SLC24A2: variants seen among roughly 807,000 people sequenced by gnomAD.
SLC24A2 encodes the protein solute carrier family 24 member 2, also known as sodium/potassium/calcium exchanger 2.
In SLC24A2, 36 loss-of-function variants were observed where a neutral mutation model predicts 62.0. The observed-to-expected ratio is 0.58, with a 90% CI of 0.44 to 0.77. The LOEUF (loss-of-function observed/expected upper bound fraction) is 0.77. Ranked by LOEUF, SLC24A2 falls within the 30% of genes least tolerant of loss-of-function variation. The probability of loss-of-function intolerance (pLI) is 0.00; values close to 1 mark genes in which losing one functional copy is unlikely to be tolerated. For synonymous variants in SLC24A2, 358 were observed against 294.0 expected, an observed-to-expected ratio of 1.22 and a Z score of -2.23; for missense variants, 846 against 817.9, an observed-to-expected ratio of 1.03 and a Z score of -0.42.
chr9:20,261,246 G>T, the SLC24A2 span, among the ~76,000 whole-genome samples: 1 of 151,994 alleles, frequency 6.6e-6, no homozygotes. Flanking sequence ...CCATTCCTGA[G>T]TTACTTCACC....
the SLC24A2 span, among the ~76,000 whole-genome samples, chr9:20,040,364 C>T: frequency 1.3e-5 from 2 of 152,202 alleles, no homozygotes; most frequent in Non-Finnish European, 2.9e-5. Context: ...CATGCTAATG[C>T]TAATATGGTT....
At chr9:20,089,376 T>A in the SLC24A2 span, among the ~76,000 whole-genome samples, 14 of 152,108 alleles carry the variant, frequency 9.2e-5, no homozygotes, top group East Asian at 2.5e-3. Context: ...GACCAGCATT[T>A]CTCCAAGGAG....
chr9:19,543,525 G>C (rs1271645467), intron 8 of SLC24A2, among the ~76,000 whole-genome samples: 3 of 151,776 alleles, frequency 2.0e-5, no homozygotes, highest in Non-Finnish European at 4.4e-5. Context: ...TTTGATGTTA[G>C]GGTGTCGATT....
intron 7 of SLC24A2, among the ~76,000 whole-genome samples, chr9:19,568,430 C>T (rs1835741094): frequency 6.6e-6 from 1 of 152,182 alleles, no homozygotes; most frequent in South Asian, 2.1e-4. Context: ...CAATAGACGC[C>T]TTGCCATCTG....
At chr9:20,047,190 G>A in the SLC24A2 span, among the ~76,000 whole-genome samples, 1 of 152,136 alleles carries the variant, frequency 6.6e-6, no homozygotes, top group Non-Finnish European at 1.5e-5. Context: ...CGGGCAACAG[G>A]ACCTAGCATT....
At chr9:19,900,896 G>A in the SLC24A2 span, among the ~76,000 whole-genome samples, 8 of 152,174 alleles carry the variant, frequency 5.3e-5, no homozygotes, top group African/African-American at 9.7e-5. Flanking sequence ...CATAAGGCTC[G>A]TGGAAGTTCA....
the SLC24A2 span, among the ~76,000 whole-genome samples, chr9:19,812,383 C>A: frequency 1.3e-5 from 2 of 152,042 alleles, no homozygotes; most frequent in East Asian, 1.9e-4. Flanking sequence ...GTGCATCACT[C>A]TAGGTATTTC....
chr9:20,191,354 A>G, the SLC24A2 span, among the ~76,000 whole-genome samples: 6,207 of 152,068 alleles, frequency 0.041, 428 homozygotes, highest in African/African-American at 0.14. Flanking sequence ...CAACTTCAAG[A>G]TCCTGATTCA....
chr9:20,227,189 A>G, the SLC24A2 span, among the ~76,000 whole-genome samples: 17,579 of 152,148 alleles, frequency 0.12, 2,274 homozygotes, highest in East Asian at 0.61. Flanking sequence ...CACAGACTCA[A>G]TTGTTTTAAA....
chr9:19,812,774 G>A, the SLC24A2 span, among the ~76,000 whole-genome samples: 1 of 57,456 alleles, frequency 1.7e-5, no homozygotes, highest in Admixed American at 2.5e-4. Context: ...CTTCCAGAAA[G>A]TATTCACCAT....
chr9:19,736,270 T>C (rs1210768818), intron 2 of SLC24A2, among the ~76,000 whole-genome samples: 1 of 152,126 alleles, frequency 6.6e-6, no homozygotes. Context: ...AAAAATAATA[T>C]AGTCTCAGTA....
At chr9:20,023,658 C>T in the SLC24A2 span, among the ~76,000 whole-genome samples, 1 of 152,186 alleles carries the variant, frequency 6.6e-6, no homozygotes, top group Middle Eastern at 3.2e-3. Context: ...AAGGCACAAT[C>T]TGTTTAGCCT....
At chr9:20,137,791 T>C in the SLC24A2 span, among the ~76,000 whole-genome samples, 1 of 152,190 alleles carries the variant, frequency 6.6e-6, no homozygotes, top group African/African-American at 2.4e-5. Flanking sequence ...GCCTCACATG[T>C]TGAATGAAAA....
intron 8 of SLC24A2, among the ~76,000 whole-genome samples, chr9:19,546,765 G>A (rs1834598022): frequency 6.6e-6 from 1 of 151,976 alleles, no homozygotes; most frequent in African/African-American, 2.4e-5. Context: ...AACTCCTGCA[G>A]CTAGCTCAGG....
chr9:19,557,860 G>A (rs10964202), intron 7 of SLC24A2, among the ~76,000 whole-genome samples: 1 of 146,482 alleles, frequency 6.8e-6, no homozygotes, highest in African/African-American at 2.6e-5. Flanking sequence ...ACCTAGACTA[G>A]AGTGCTAGAG....
At chr9:20,140,736 C>A in the SLC24A2 span, among the ~76,000 whole-genome samples, 190 of 152,230 alleles carry the variant, frequency 1.2e-3, 4 homozygotes, top group South Asian at 0.027. Flanking sequence ...ATGTTATCCA[C>A]CCACAACCCC....
At chr9:20,214,398 G>A in the SLC24A2 span, among the ~76,000 whole-genome samples, 3 of 152,100 alleles carry the variant, frequency 2.0e-5, no homozygotes, top group Non-Finnish European at 4.4e-5. Flanking sequence ...CGGATCACAA[G>A]GTCAGTAGAT....
At chr9:19,546,861 G>A (rs571295898) in intron 8 of SLC24A2, among the ~76,000 whole-genome samples, 3 of 152,194 alleles carry the variant, frequency 2.0e-5, no homozygotes, top group African/African-American at 4.8e-5. Context: ...AAAGACTGTG[G>A]GAAAAGCACA....
At chr9:20,093,948 C>T in the SLC24A2 span, among the ~76,000 whole-genome samples, 8 of 151,970 alleles carry the variant, frequency 5.3e-5, no homozygotes, top group Non-Finnish European at 1.0e-4. Flanking sequence ...TATGTACTCA[C>T]AGAAATTTGA....
Sources: gnomAD v4.1 joint callset for allele counts (sites outside exome capture counted in the v4.1 genomes callset) on GRCh38, gnomAD v4.1.1 for gene constraint, MANE v1.5 for transcripts, NCBI Gene and HGNC (gene_info 2026-07-23, HGNC 2026-07-21) for gene names.